Variants in SV2B observed in about 807,000 individuals in gnomAD.
SV2B encodes the protein synaptic vesicle glycoprotein 2B.
A neutral mutation model predicts 73.9 loss-of-function variants in SV2B; 41 were observed. The observed-to-expected ratio is 0.56, with a 90% confidence interval of 0.43 to 0.72. The LOEUF is 0.72. SV2B is among the 30% of genes least tolerant of loss of function. The pLI, the probability that SV2B is intolerant of heterozygous loss-of-function variation, is 0.00. For missense variants in SV2B, 764 were observed against 857.8 expected (o/e 0.89, Z 1.37); for synonymous variants, 314 against 314.2 (o/e 1.00, Z 0.01).
intron 1 of SV2B, among the ~76,000 whole-genome samples, chr15:91,222,284 CAT>C (rs959250657): frequency 2.8e-4 from 42 of 152,326 alleles, no homozygotes; most frequent in African/African-American, 9.6e-4. Flanking sequence ...AGTCCCACCT[CAT>C]ACGGTCGTTG....
chr15:91,251,119 C>G (rs1479904009), intron 2 of SV2B, among the ~76,000 whole-genome samples: 1 of 152,108 alleles, frequency 6.6e-6, no homozygotes, highest in Admixed American at 6.5e-5. Flanking sequence ...ACCAATGGAA[C>G]AGAATAGAGA....
chr15:91,127,608 A>C (rs2042524174), intron 1 of SV2B, among the ~76,000 whole-genome samples: 1 of 152,150 alleles, frequency 6.6e-6, no homozygotes, highest in African/African-American at 2.4e-5. Flanking sequence ...GAGAAAGAAA[A>C]GAAATACTCC....
intron 1 of SV2B, among the ~76,000 whole-genome samples, chr15:91,191,063 C>CTTTTTTTTTTT (rs59849012): frequency 9.3e-5 from 6 of 64,236 alleles, no homozygotes; most frequent in East Asian, 7.8e-4. Flanking sequence ...TTTGGTGTTT[C>CTTTTTTTTTTT]TTTTTTTTTT....
Position 91,251,973 on chromosome 15 carries a change from C to G in SV2B, c.606C>G (p.Leu202=), listed in dbSNP as rs17693706. The stretch of plus-strand genomic sequence containing the variant: ...TCGTGCAGGGATATGGAGCCTTCCT[C>G]TTCTGCCGACTCATCTCAGGCATCG... The part of the protein sequence containing the change: ...SSFVQGYGAF[L]FCRLISGIGI... Residue 202 remains leucine, a synonymous_variant, in exon 3 of 13, where the codon CTC becomes CTG. Coordinates refer to ENST00000394232, the MANE Select transcript of SV2B (RefSeq NM_001323032.3). 0.012 allele frequency: 18,727 copies of G among 1,614,080 alleles called. 495 individuals carry two copies. The highest frequency in any genetic ancestry group is 0.083 in the East Asian group (3,744 of 44,862).
intron 1 of SV2B, among the ~76,000 whole-genome samples, chr15:91,112,255 A>T (rs904395422): frequency 1.3e-5 from 2 of 152,118 alleles, no homozygotes; most frequent in African/African-American, 4.8e-5. Context: ...AAGGAGGAAG[A>T]AGCTCGAGAA....
chr15:91,104,755 C>T (rs1310757353), intron 1 of SV2B, among the ~76,000 whole-genome samples: 2 of 152,236 alleles, frequency 1.3e-5, no homozygotes, highest in Admixed American at 1.3e-4. Context: ...GCCTCAGCCT[C>T]CTGAGTAGCT....
chr15:91,116,930 T>A (rs2042197360), intron 1 of SV2B, among the ~76,000 whole-genome samples: 1 of 152,162 alleles, frequency 6.6e-6, no homozygotes, highest in South Asian at 2.1e-4. Flanking sequence ...TTGTGAGACT[T>A]ATTCACTATG....
At chr15:91,250,471 T>C (rs1236223825) in intron 2 of SV2B, among the ~76,000 whole-genome samples, 2 of 152,082 alleles carry the variant, frequency 1.3e-5, no homozygotes, top group African/African-American at 2.4e-5. Flanking sequence ...CTATTCAACA[T>C]AGAGCAATTA....
chr15:91,158,699 CT>C (rs2043591372), intron 1 of SV2B, among the ~76,000 whole-genome samples: 1 of 55,442 alleles, frequency 1.8e-5, no homozygotes, highest in Non-Finnish European at 4.4e-5. Context: ...CTCTTCTCTT[CT>C]CTCCTCTCCT....
At chr15:91,188,737 G>A (rs1271338858) in intron 1 of SV2B, among the ~76,000 whole-genome samples, 1 of 152,006 alleles carries the variant, frequency 6.6e-6, no homozygotes, top group Non-Finnish European at 1.5e-5. Context: ...AGTATTACAG[G>A]TTTTCTTTAT....
At position 91,132,820 on chromosome 15, in the gene SV2B, A is replaced by G. The variant is rs962906748; in HGVS notation, c.-392+32457A>G. 6.6e-6 allele frequency among the ~76,000 whole-genome samples: 1 copy of G among 152,128 alleles called. No individual in the cohort carries two copies. The highest frequency in any genetic ancestry group is 6.5e-5 in the Admixed American group (1 of 15,276). On this transcript the variant is annotated intron_variant, in intron 1 of 12. Transcript: ENST00000394232. This position sits in a 1 kb window ranked among gnomAD's most constrained non-coding sequence, Gnocchi z 4.6. ...GCACCACTGCACTCCAGCCTGGGCAACAGAGTGAGATCCTGTCTCTCAAAA... is the reference window on the plus strand; with the variant it reads ...GCACCACTGCACTCCAGCCTGGGCAGCAGAGTGAGATCCTGTCTCTCAAAA...
At chr15:91,256,135 T>C (rs1363547485) in intron 4 of SV2B, among the ~76,000 whole-genome samples, 2 of 152,198 alleles carry the variant, frequency 1.3e-5, no homozygotes, top group Non-Finnish European at 2.9e-5. Flanking sequence ...TTAATTCCCA[T>C]TGTAGTCAGC....
rs2046374502 is a variant in SV2B, at chr15:91,226,293, T to C, written c.30T>C (p.Tyr10=). 3 of 1,614,142 alleles carry C rather than the reference T, an allele frequency of 1.9e-6. No individual in the cohort carries two copies. The highest frequency in any genetic ancestry group is 2.7e-5 in the African/African-American group (2 of 75,036). The change falls in exon 2 of 13, where the codon TAT becomes TAC. Residue 10 remains tyrosine, a synonymous_variant. Transcript: ENST00000394232. The part of the protein sequence containing the change: MDDYKYQDN[Y]GGYAPSDGYY... ...ATGACTACAAGTATCAGGACAATTA[T>C]GGGGGCTATGCTCCCAGTGATGGCT...
In SV2B at chr15:91,130,092, G is replaced by A. The variant is rs2042596539; in HGVS notation, c.-392+29729G>A. On this transcript the variant is annotated intron_variant, in intron 1 of 12. Transcript: ENST00000394232. The surrounding 1 kb of genome is among the most constrained non-coding windows in gnomAD (Gnocchi z 5.6). ...CAGCATGCAGGTCAGGCGTGCCAAG[G>A]CCTGAACCTGAACAGTGGTAGGAGA... Among the ~76,000 whole-genome samples the A allele has an allele frequency of 6.6e-6, 1 of 152,028 alleles. No homozygotes were observed. The highest frequency in any genetic ancestry group is 2.4e-5 in the African/African-American group (1 of 41,278).
intron 1 of SV2B, among the ~76,000 whole-genome samples, chr15:91,176,340 G>A (rs901505411): frequency 5.9e-5 from 9 of 151,624 alleles, no homozygotes; most frequent in African/African-American, 1.5e-4. Context: ...GAATAGTGCC[G>A]CAATAAACAT....
Position 91,137,569 on chromosome 15 carries a change from AATAT to A in SV2B, c.-392+37219_-392+37222del, listed in dbSNP as rs142512543. Among the ~76,000 whole-genome samples, 59 of 132,892 alleles carry A rather than the reference AATAT, an allele frequency of 4.4e-4. No individual in the cohort carries two copies. The highest frequency in any genetic ancestry group is 6.6e-4 in the Non-Finnish European group (41 of 61,934). 87.2% of individuals were successfully genotyped at this position (132,892 alleles called of 152,430 possible). ...ACAGGACAAAACTAGGAAAATGTGA[AATAT>A]ATATATATATATTTCTCATATATAT... On this transcript the variant is annotated intron_variant, in intron 1 of 12. Coordinates refer to ENST00000394232, the MANE Select transcript of SV2B (RefSeq NM_001323032.3). This position sits in a 1 kb window ranked among gnomAD's most constrained non-coding sequence, Gnocchi z 4.9.
chr15:91,162,519 G>T (rs12916133), intron 1 of SV2B, among the ~76,000 whole-genome samples: 1 of 130,244 alleles, frequency 7.7e-6, no homozygotes, highest in African/African-American at 3.3e-5. Flanking sequence ...AGAAACATAA[G>T]ATAACACCTA....
At position 91,262,362 on chromosome 15, in the gene SV2B, CAA is replaced by C. The variant is rs1443130482; in HGVS notation, c.1008+1954_1008+1955del. Among the ~76,000 whole-genome samples, 8 of 152,284 alleles carry C rather than the reference CAA, an allele frequency of 5.3e-5. No homozygotes were observed. In the East Asian group the frequency reaches 5.8e-4, roughly 11 times the overall value. ...TATGACATTTTTTCATAAATTAACT[CAA>C]GTTATAAATTTTATGGAAAATTCCT... On this transcript the variant is annotated intron_variant, in intron 6 of 12. Coordinates refer to ENST00000394232, the MANE Select transcript of SV2B (RefSeq NM_001323032.3).
chr15:91,197,783 C>T lies in SV2B; in HGVS notation c.-391-28090C>T, dbSNP rs1002512272. ...GCCCGGTGGCCCACGCCTGTAATCC[C>T]AGCACTTTGGGAGGCCGAGATGGGT... On this transcript the variant is annotated intron_variant, in intron 1 of 12. Transcript: ENST00000394232. This position sits in a 1 kb window ranked among gnomAD's most constrained non-coding sequence, Gnocchi z 4.9. Among the ~76,000 whole-genome samples, 1 of 152,032 alleles carries T rather than the reference C, an allele frequency of 6.6e-6. No homozygotes were observed. Among genetic ancestry groups the T allele is most frequent in the Non-Finnish European group, 1.5e-5 (1 of 68,018 alleles).
Sources: gnomAD v4.1 joint callset for allele counts (sites outside exome capture counted in the v4.1 genomes callset) on GRCh38, gnomAD v4.1.1 for gene constraint, Gnocchi (gnomAD v3.1) non-coding constraint, MANE v1.5 for transcripts, NCBI Gene and HGNC (gene_info 2026-07-23, HGNC 2026-07-21) for gene names.